PPARGC1A: variants seen among roughly 807,000 people sequenced by gnomAD.
PPARGC1A encodes the protein peroxisome proliferator-activated receptor gamma coactivator 1-alpha.
PPARGC1A carries 25 observed loss-of-function variants against 88.7 expected under a neutral mutation model. The ratio of observed to expected loss-of-function variants is 0.28; its 90% CI spans 0.21 to 0.39. The LOEUF is 0.39. Ranked by LOEUF, PPARGC1A falls within the 10% of genes least tolerant of loss-of-function variation. The pLI is 1.00. For synonymous variants in PPARGC1A, 363 were observed against 355.6 expected, an observed-to-expected ratio of 1.02 and a Z score of -0.24; for missense variants, 880 against 968.7, an observed-to-expected ratio of 0.91 and a Z score of 1.22.
chr4:24,328,165 C>T, the PPARGC1A span, among the ~76,000 whole-genome samples: 1 of 152,078 alleles, frequency 6.6e-6, no homozygotes, highest in African/African-American at 2.4e-5. Context: ...AGCCATGTTG[C>T]TAATACAAAG....
chr4:24,375,690 A>G, the PPARGC1A span, among the ~76,000 whole-genome samples: 32 of 152,278 alleles, frequency 2.1e-4, no homozygotes, highest in African/African-American at 7.5e-4. Context: ...GCAAAAACAG[A>G]GACTAGAGCC....
the PPARGC1A span, among the ~76,000 whole-genome samples, chr4:24,009,150 A>ATAAAAAAAAAAG: frequency 1.3e-5 from 1 of 79,806 alleles, no homozygotes; most frequent in African/African-American, 5.9e-5. Flanking sequence ...AAAAAAAAAA[A>ATAAAAAAAAAAG]AGAGAGAGAA....
the PPARGC1A span, among the ~76,000 whole-genome samples, chr4:23,987,655 T>C: frequency 1.3e-5 from 2 of 151,998 alleles, no homozygotes; most frequent in African/African-American, 4.8e-5. Flanking sequence ...CCCTGTATTC[T>C]AGCACATACA....
intron 2 of PPARGC1A, among the ~76,000 whole-genome samples, chr4:23,859,059 G>A (rs1180710591): frequency 1.3e-5 from 2 of 151,504 alleles, no homozygotes; most frequent in African/African-American, 4.8e-5. Context: ...AAATAGTATT[G>A]TAATAACTTT....
chr4:23,915,006 T>C, the PPARGC1A span, among the ~76,000 whole-genome samples: 1 of 152,148 alleles, frequency 6.6e-6, no homozygotes, highest in Non-Finnish European at 1.5e-5. Flanking sequence ...ACCACATCCA[T>C]CAACATTCAT....
chr4:23,813,900 G>A lies in PPARGC1A; in HGVS notation c.1583C>T (p.Thr528Met), dbSNP rs777186610. The change falls in exon 8 of 13, where the codon ACG (threonine) becomes ATG (methionine). Residue 528 changes from threonine (T) to methionine (M), a missense_variant. Coordinates refer to ENST00000264867, the MANE Select transcript of PPARGC1A (RefSeq NM_013261.5). ...CACATTGAACAATGAATAGGATTGC[G>A]TGCCATCCCAAGGGTAGCTCAGTTT... ...SDKLSYPWDG[T>M]QSYSLFNVSP... 2.0e-5 allele frequency: 32 copies of A among 1,613,684 alleles called. No homozygotes were observed. The South Asian group carries it at 2.1e-4, about 11-fold the overall frequency.
At chr4:24,176,370 T>A in the PPARGC1A span, among the ~76,000 whole-genome samples, 1,660 of 152,230 alleles carry the variant, frequency 0.011, 21 homozygotes, top group Non-Finnish European at 0.017. Flanking sequence ...TTGATCCTCC[T>A]TGCTGACCCA....
chr4:24,375,747 C>T, the PPARGC1A span, among the ~76,000 whole-genome samples: 3 of 152,070 alleles, frequency 2.0e-5, no homozygotes, highest in Non-Finnish European at 4.4e-5. Flanking sequence ...ATGGAGATAG[C>T]CCACTTTAGA....
the PPARGC1A span, among the ~76,000 whole-genome samples, chr4:24,155,019 TGA>T: frequency 1.3e-5 from 2 of 151,944 alleles, no homozygotes; most frequent in Non-Finnish European, 2.9e-5. Context: ...GATGTAGTGG[TGA>T]GAGTCTGGGC....
the PPARGC1A span, among the ~76,000 whole-genome samples, chr4:24,437,997 A>G: frequency 1.3e-5 from 2 of 152,142 alleles, no homozygotes; most frequent in Admixed American, 1.3e-4. Flanking sequence ...TTTCAGCTGG[A>G]GAGTGGCAGG....
At chr4:23,872,204 A>T (rs1396311630) in intron 2 of PPARGC1A, among the ~76,000 whole-genome samples, 4 of 152,162 alleles carry the variant, frequency 2.6e-5, no homozygotes, top group Admixed American at 2.6e-4. Context: ...GTTCTCATCC[A>T]TAGAAGCCCC....
At chr4:24,453,933 C>A in the PPARGC1A span, among the ~76,000 whole-genome samples, 1 of 152,006 alleles carries the variant, frequency 6.6e-6, no homozygotes, top group Non-Finnish European at 1.5e-5. Flanking sequence ...TATGGGCTGG[C>A]CTTGTAACTT....
chr4:24,385,114 C>A, the PPARGC1A span, among the ~76,000 whole-genome samples: 13 of 152,080 alleles, frequency 8.5e-5, 1 homozygote, highest in East Asian at 2.5e-3. Flanking sequence ...TACATGGAAA[C>A]TGAACAACCT....
chr4:23,906,607 C>CAAAAA (rs35171233), upstream of PPARGC1A, among the ~76,000 whole-genome samples: 17 of 63,648 alleles, frequency 2.7e-4, no homozygotes, highest in East Asian at 5.3e-4. Context: ...CTCTGTCTCA[C>CAAAAA]AAAAAAAAAA....
chr4:24,217,793 A>G, the PPARGC1A span, among the ~76,000 whole-genome samples: 1 of 152,076 alleles, frequency 6.6e-6, no homozygotes, highest in Non-Finnish European at 1.5e-5. Context: ...ACAGAGTGAG[A>G]CTCCATCATG....
the PPARGC1A span, among the ~76,000 whole-genome samples, chr4:24,401,356 G>A: frequency 1.3e-4 from 20 of 152,244 alleles, no homozygotes; most frequent in Non-Finnish European, 2.9e-4. Flanking sequence ...ATTGTCATGA[G>A]GGTATGACAG....
Position 23,828,405 on chromosome 4 carries a change from A to G in PPARGC1A, c.752T>C (p.Leu251Ser). The G allele has an allele frequency of 6.2e-7, 1 of 1,612,834 alleles. No homozygotes were observed. Among genetic ancestry groups the G allele is most frequent in the Non-Finnish European group, 8.5e-7 (1 of 1,178,986 alleles). The change falls in exon 5 of 13, where the codon TTA becomes TCA. Residue 251 changes from leucine (L) to serine (S), a missense_variant. By Grantham distance (145) the Leu-to-Ser change is moderately radical. Coordinates refer to ENST00000264867, the MANE Select transcript of PPARGC1A (RefSeq NM_013261.5). Reference sequence around the variant, plus strand: ...CGTTTTGGTCCCCAGCCTACCTTGTAAGTGTTGTGACTGCGACTGTGTGTG... The same window carrying G: ...CGTTTTGGTCCCCAGCCTACCTTGTGAGTGTTGTGACTGCGACTGTGTGTG... The part of the protein sequence containing the change: ...KSHTQSQSQH[L>S]QAKPTTLSLP...
the PPARGC1A span, among the ~76,000 whole-genome samples, chr4:24,363,129 C>A: frequency 1.3e-5 from 2 of 152,246 alleles, no homozygotes; most frequent in Middle Eastern, 3.4e-3. Flanking sequence ...GACAATGTGA[C>A]CTTCAGTGAA....
the PPARGC1A span, among the ~76,000 whole-genome samples, chr4:24,013,766 G>T: frequency 6.6e-6 from 1 of 152,202 alleles, no homozygotes; most frequent in African/African-American, 2.4e-5. Flanking sequence ...CATGTCCCAT[G>T]CCTGGACGTT....
Sources: gnomAD v4.1 joint callset for allele counts (sites outside exome capture counted in the v4.1 genomes callset) on GRCh38, gnomAD v4.1.1 for gene constraint, MANE v1.5 for transcripts, NCBI Gene and HGNC (gene_info 2026-07-23, HGNC 2026-07-21) for gene names.